The following ARMH1 variants were observed in gnomAD, a reference collection of about 807,000 sequenced individuals.
The protein encoded by ARMH1 is armadillo like helical domain containing 1.
A neutral mutation model predicts 50.2 loss-of-function variants in ARMH1; 34 were observed. The observed-to-expected ratio is 0.68, with a 90% confidence interval of 0.51 to 0.90. The LOEUF is 0.90. Among genes scored for constraint, ARMH1 ranks in the 40% least tolerant of loss-of-function variants. The pLI is 0.00. For synonymous variants in ARMH1, 221 were observed against 224.2 expected (o/e 0.99, Z 0.13); for missense variants, 538 against 553.9 (o/e 0.97, Z 0.29).
chr1:44,725,100 G>C (rs1473661960), intron 10 of ARMH1, 36 bp from the exon 11 acceptor site: 2 of 1,551,340 alleles, frequency 1.3e-6, no homozygotes, highest in Non-Finnish European at 1.7e-6. Flanking sequence ...GACTGCCCTG[G>C]CACCCCAGCC....
At chr1:44,684,251 A>T (rs551891333) in intron 1 of ARMH1, 1 of 152,292 alleles carries the variant, frequency 6.6e-6, no homozygotes, top group Non-Finnish European at 1.5e-5. Context: ...AATTATTTTT[A>T]AAAATGGTAG....
chr1:44,697,991 G>C, intron 3 of ARMH1, 72 bp from the exon 4 acceptor site: 1 of 1,256,758 alleles, frequency 8.0e-7, no homozygotes, highest in Non-Finnish European at 1.1e-6. Flanking sequence ...GGGACCTTGG[G>C]ATCTCTTTGA....
intron 6 of ARMH1, among the ~76,000 whole-genome samples, chr1:44,705,764 C>G (rs1646315887): frequency 6.6e-6 from 1 of 152,074 alleles, no homozygotes; most frequent in African/African-American, 2.4e-5. Flanking sequence ...AATTTCCTTC[C>G]CTTTCCCTAT....
intron 1 of ARMH1, among the ~76,000 whole-genome samples, chr1:44,684,005 C>CAGAG (rs549354195): frequency 6.6e-6 from 1 of 150,440 alleles, no homozygotes; most frequent in African/African-American, 2.4e-5. Context: ...AAAACAACCA[C>CAGAG]AGAGAGAGAG....
chr1:44,706,151 G>A (rs554164431), intron 6 of ARMH1, among the ~76,000 whole-genome samples: 2 of 152,358 alleles, frequency 1.3e-5, no homozygotes, highest in South Asian at 2.1e-4. Flanking sequence ...CAGTGCCTCC[G>A]AAGATGGCCT....
At chr1:44,705,888 G>A (rs138179957) in intron 6 of ARMH1, among the ~76,000 whole-genome samples, 47 of 152,284 alleles carry the variant, frequency 3.1e-4, no homozygotes, top group South Asian at 8.3e-4. Flanking sequence ...TGGGAAGGTC[G>A]AAAGGAGGAG....
Position 44,679,235 on chromosome 1 carries a change from G to A in ARMH1, c.-23+4362G>A, listed in dbSNP as rs566223922. 3.6e-4 allele frequency among the ~76,000 whole-genome samples: 55 copies of A among 152,310 alleles called. No individual in the cohort carries two copies. The South Asian group carries it at 0.011, about 31-fold the overall frequency. ...CTATTTTAATTGGCTGCCACTTACA[G>A]AGAGATCCCAATAAGCATGATGGCA... On this transcript the variant is annotated intron_variant, in intron 1 of 11. Transcript: ENST00000535358.
intron 6 of ARMH1, among the ~76,000 whole-genome samples, chr1:44,709,544 C>T (rs993947656): frequency 3.9e-5 from 6 of 151,992 alleles, no homozygotes; most frequent in East Asian, 1.9e-4. Context: ...TAGTGGCATG[C>T]GCCTGTAGTC....
intron 4 of ARMH1, among the ~76,000 whole-genome samples, chr1:44,700,369 A>G (rs1646017289): frequency 2.6e-5 from 4 of 152,182 alleles, no homozygotes; most frequent in East Asian, 3.9e-4. Context: ...TCTAATCCCA[A>G]CACTTCGGGA....
chr1:44,723,994 G>C, intron 6 of ARMH1, 128 bp from the exon 7 acceptor site: 2 of 1,233,132 alleles, frequency 1.6e-6, no homozygotes, highest in East Asian at 2.7e-5. Flanking sequence ...GCTCCCCCAC[G>C]CCCTGCACAG....
rs1404041449 is a variant in ARMH1, at chr1:44,681,056, G to A, written c.-23+6183G>A. Among the ~76,000 whole-genome samples, 24 of 148,740 alleles carry A rather than the reference G, an allele frequency of 1.6e-4. No homozygotes were observed. Among genetic ancestry groups the A allele is most frequent in the Non-Finnish European group, 2.5e-4 (17 of 67,496 alleles). On this transcript the variant is annotated intron_variant, in intron 1 of 11. Transcript: ENST00000535358. This position sits in a 1 kb window ranked among gnomAD's most constrained non-coding sequence, Gnocchi z 4.3. The stretch of plus-strand genomic sequence containing the variant: ...GTCACCCAGGCTGGAGTGTAGTGGC[G>A]TGATCTCGGCTCACTGCAAGCTCCA...
At chr1:44,716,973 C>T (rs892651675) in intron 6 of ARMH1, among the ~76,000 whole-genome samples, 2 of 151,802 alleles carry the variant, frequency 1.3e-5, no homozygotes, top group African/African-American at 4.8e-5. Flanking sequence ...GCCTCAGCCT[C>T]CCAAGTAGCT....
chr1:44,695,944 C>CA (rs11351390), intron 2 of ARMH1, among the ~76,000 whole-genome samples: 8 of 121,548 alleles, frequency 6.6e-5, no homozygotes, highest in South Asian at 2.8e-4. Flanking sequence ...GACCCTATCT[C>CA]AAAAAAAAAA....
At chr1:44,718,440 T>A (rs1363962218) in intron 6 of ARMH1, among the ~76,000 whole-genome samples, 1 of 151,840 alleles carries the variant, frequency 6.6e-6, no homozygotes, top group Non-Finnish European at 1.5e-5. Flanking sequence ...TACTTTGGGG[T>A]TTCAGGCAGC....
At chr1:44,709,558 C>A in intron 6 of ARMH1, among the ~76,000 whole-genome samples, 1 of 151,738 alleles carries the variant, frequency 6.6e-6, no homozygotes, top group Non-Finnish European at 1.5e-5. Flanking sequence ...TGTAGTCCCA[C>A]CTACACGGGA....
rs912885529 is a variant in ARMH1, at chr1:44,683,479, G to A, written c.-22-6197G>A. On this transcript the variant is annotated intron_variant, in intron 1 of 11. Transcript: ENST00000535358. The surrounding 1 kb of genome is among the most constrained non-coding windows in gnomAD (Gnocchi z 4.2). ...AGAAGAGAACTAAGAACGGGAAAAC[G>A]ACCTGCAAAGGCACTATCCTGCAAT... 2.0e-4 allele frequency among the ~76,000 whole-genome samples: 30 copies of A among 152,210 alleles called. No individual in the cohort carries two copies. The highest frequency in any genetic ancestry group is 3.3e-4 in the Admixed American group (5 of 15,288).
At position 44,724,934 on chromosome 1, in the gene ARMH1, A is replaced by C. The variant is rs1042022008; in HGVS notation, c.1128+95A>C. 1.8e-5 allele frequency: 27 copies of C among 1,501,988 alleles called. No individual in the cohort carries two copies. The highest frequency in any genetic ancestry group is 2.4e-5 in the Non-Finnish European group (27 of 1,124,460). 93.0% of individuals were successfully genotyped at this position (1,501,988 alleles called of 1,614,324 possible). ...CAGTCCCCATCCTGGAGCGCGCCAC[A>C]TGCAGAGTGGACCTGGCCACCAGCT... On this transcript the variant is annotated intron_variant, in intron 10 of 11. Coordinates refer to ENST00000535358, the MANE Select transcript of ARMH1 (RefSeq NM_001145636.2). This position sits in a 1 kb window ranked among gnomAD's most constrained non-coding sequence, Gnocchi z 6.4.
chr1:44,698,046 T>A lies in ARMH1; in HGVS notation c.276-17T>A, dbSNP rs1196445307. On this transcript the variant is annotated splice_polypyrimidine_tract_variant and intron_variant, in intron 3 of 11. Transcript: ENST00000535358. ...TTGACAAGAGTTTTATTTCTACTTT[T>A]CTATCCCTCTGGACAGTAATCGGTA... 6.6e-7 allele frequency: 1 copy of A among 1,513,890 alleles called. No homozygotes were observed. The highest frequency in any genetic ancestry group is 8.9e-7 in the Non-Finnish European group (1 of 1,123,844). 93.8% of individuals were successfully genotyped at this position (1,513,890 alleles called of 1,614,324 possible). A position where few individuals can be genotyped will look rare whatever the true frequency, so the allele number is the denominator to read the frequency against.
chr1:44,700,085 C>T (rs1645998444), intron 4 of ARMH1, among the ~76,000 whole-genome samples: 1 of 152,000 alleles, frequency 6.6e-6, no homozygotes, highest in African/African-American at 2.4e-5. Flanking sequence ...CTGCCTTGGC[C>T]TCCCATAGTG....
Sources: gnomAD v4.1 joint callset for allele counts (sites outside exome capture counted in the v4.1 genomes callset) on GRCh38, gnomAD v4.1.1 for gene constraint, Gnocchi (gnomAD v3.1) non-coding constraint, MANE v1.5 for transcripts, NCBI Gene and HGNC (gene_info 2026-07-23, HGNC 2026-07-21) for gene names.